Variants in SLC22A16 observed in about 807,000 individuals in gnomAD.
SLC22A16 encodes the protein WUGSC:RG331P03.1.
A neutral mutation model predicts 52.9 loss-of-function variants in SLC22A16; 53 were observed. The observed-to-expected ratio is 1.00, with a 90% confidence interval of 0.80 to 1.26. The LOEUF is 1.26. Among genes scored for constraint, SLC22A16 ranks in the 50% most tolerant of loss-of-function variants. The pLI is 0.00. For synonymous variants in SLC22A16, 291 were observed against 268.8 expected (o/e 1.08, Z -0.81); for missense variants, 726 against 704.0 (o/e 1.03, Z -0.35).
chr6:110,459,501 A>T (rs1023981158), intron 1 of SLC22A16, among the ~76,000 whole-genome samples: 1 of 152,210 alleles, frequency 6.6e-6, no homozygotes, highest in African/African-American at 2.4e-5. Context: ...ATACCTAAAG[A>T]CTGCCAAGGT....
chr6:110,430,840 C>T (rs999102509), intron 7 of SLC22A16, among the ~76,000 whole-genome samples: 2 of 152,198 alleles, frequency 1.3e-5, no homozygotes, highest in Non-Finnish European at 2.9e-5. Context: ...GCCAGGCCAG[C>T]GGGTGGGGGC....
At chr6:110,448,015 G>C (rs1047081495) in intron 2 of SLC22A16, among the ~76,000 whole-genome samples, 1 of 152,152 alleles carries the variant, frequency 6.6e-6, no homozygotes, top group East Asian at 1.9e-4. Flanking sequence ...TATATACCTA[G>C]AGTGAAATTC....
At chr6:110,468,894 A>G (rs557436689) in intron 1 of SLC22A16, among the ~76,000 whole-genome samples, 4 of 152,246 alleles carry the variant, frequency 2.6e-5, no homozygotes, top group Admixed American at 2.6e-4. Context: ...GTGTCACCAC[A>G]GAGCCTTGGG....
chr6:110,472,754 C>A (rs927781861), intron 1 of SLC22A16, among the ~76,000 whole-genome samples: 74 of 152,086 alleles, frequency 4.9e-4, no homozygotes, highest in African/African-American at 1.7e-3. Context: ...AGGGGTCCAC[C>A]AGGACAACAG....
In SLC22A16 at chr6:110,438,058, G is replaced by A. The variant is rs148169279; in HGVS notation, c.1311+662C>T. On this transcript the variant is annotated intron_variant, in intron 5 of 7. Transcript: ENST00000368919. ...GATTACATGTCGCCTCCTCCGAGAGGTGCACCATCCTCGACCACCCTAGAC... is the reference window on the plus strand; with the variant it reads ...GATTACATGTCGCCTCCTCCGAGAGATGCACCATCCTCGACCACCCTAGAC... Among the ~76,000 whole-genome samples the A allele has an allele frequency of 5.4e-3, 824 of 152,170 alleles. 2 individuals carry two copies. The highest frequency in any genetic ancestry group is 0.02 in the Middle Eastern group (6 of 294).
rs1562294948 is a variant in SLC22A16 at position 110,457,111 on chromosome 6, C to T, written c.54-94G>A. 7 of 1,179,050 alleles carry T rather than the reference C, an allele frequency of 5.9e-6. No homozygotes were observed. The Admixed American group carries it at 1.7e-4, about 29-fold the overall frequency. The allele number at this position is 1,179,050 out of a possible 1,614,324, so 73.0% of individuals were successfully genotyped here. On this transcript the variant is annotated intron_variant, in intron 1 of 7. Transcript: ENST00000368919. The stretch of plus-strand genomic sequence containing the variant: ...AGGGTCTCCATCATGTTTATCTTAA[C>T]ATATACACGAATGGATAAATATAGA...
intron 7 of SLC22A16, among the ~76,000 whole-genome samples, chr6:110,427,260 A>AAAAAAAAAAG (rs538137410): frequency 2.2e-5 from 3 of 137,944 alleles, no homozygotes; most frequent in East Asian, 2.1e-4. Context: ...AAAAAAAAAA[A>AAAAAAAAAAG]AAAAGAAAAA....
chr6:110,431,650 G>A lies in SLC22A16; in HGVS notation c.1422-380C>T, dbSNP rs574059517. Among the ~76,000 whole-genome samples the A allele has an allele frequency of 2.6e-5, 4 of 152,202 alleles. No homozygotes were observed. The South Asian group carries it at 6.2e-4, about 24-fold the overall frequency. On this transcript the variant is annotated intron_variant, in intron 6 of 7. Coordinates refer to ENST00000368919, the MANE Select transcript of SLC22A16 (RefSeq NM_033125.4). ...CACTCTATGATGTTCTGACAACCACGAAATCACCAAAGGATGCATTTCTCA... is the reference window on the plus strand; with the variant it reads ...CACTCTATGATGTTCTGACAACCACAAAATCACCAAAGGATGCATTTCTCA...
Position 110,442,692 on chromosome 6 carries a change from A to T in SLC22A16, c.735T>A (p.His245Gln). Residue 245 changes from histidine to glutamine, a missense_variant, in exon 4 of 8, where the codon CAT (histidine) becomes CAA (glutamine). By Grantham distance (24) the His-to-Gln change is conservative. Transcript: ENST00000368919. ...TTCCAACTGCAAAAAAGGAATGCAA[A>T]TGGACAGACGCCCATGTCCGAGACT... is the stretch of plus-strand genomic sequence containing the variant. The part of the protein sequence containing the change: ...GMKSRTWASV[H>Q]LHSFFAVGTL... The T allele has an allele frequency of 6.2e-7, 1 of 1,614,166 alleles. No homozygotes were observed.
chr6:110,444,230 T>A (rs1220101005), intron 3 of SLC22A16, among the ~76,000 whole-genome samples: 2 of 152,226 alleles, frequency 1.3e-5, no homozygotes, highest in Non-Finnish European at 2.9e-5. Context: ...GAATATAATA[T>A]GTGACCATTC....
chr6:110,470,425 A>G (rs2114296879), intron 1 of SLC22A16, among the ~76,000 whole-genome samples: 1 of 152,196 alleles, frequency 6.6e-6, no homozygotes, highest in East Asian at 1.9e-4. Context: ...CTCTACCTGG[A>G]ACAGCTCCAC....
At chr6:110,464,920 A>T (rs1373912676) in intron 1 of SLC22A16, among the ~76,000 whole-genome samples, 4 of 152,128 alleles carry the variant, frequency 2.6e-5, no homozygotes, top group Non-Finnish European at 1.5e-5. Context: ...ATCCAACAGC[A>T]CATCAAAAAG....
At chr6:110,475,595 G>A (rs1582604148) in intron 1 of SLC22A16, among the ~76,000 whole-genome samples, 1 of 152,230 alleles carries the variant, frequency 6.6e-6, no homozygotes, top group East Asian at 1.9e-4. Flanking sequence ...TCATCTCTTT[G>A]CTAAGCCTGA....
intron 1 of SLC22A16, chr6:110,474,934 C>A: frequency 1.9e-6 from 1 of 519,076 alleles, no homozygotes; most frequent in South Asian, 1.4e-5. Flanking sequence ...CCACCTACCT[C>A]ATTGAGTTAC....
rs768435660 is a variant in SLC22A16 at position 110,442,702 on chromosome 6, G to A, written c.725C>T (p.Ala242Val). 17 of 1,614,002 alleles carry A rather than the reference G, an allele frequency of 1.1e-5. No homozygotes were observed. Among genetic ancestry groups the A allele is most frequent in the East Asian group, 2.2e-5 (1 of 44,870 alleles). ...AAAAAAGGAATGCAAATGGACAGACGCCCATGTCCGAGACTTCATGCCAAT... is the reference window on the plus strand; with the variant it reads ...AAAAAAGGAATGCAAATGGACAGACACCCATGTCCGAGACTTCATGCCAAT... ...EFIGMKSRTW[A>V]SVHLHSFFAV... The change falls in exon 4 of 8, where the codon GCG (alanine) becomes GTG (valine). Residue 242 changes from alanine (A) to valine (V), a missense_variant. Transcript: ENST00000368919.
chr6:110,438,934 A>C (rs145617529), intron 4 of SLC22A16, 87 bp from the exon 5 acceptor site: 1 of 1,535,890 alleles, frequency 6.5e-7, no homozygotes, highest in Admixed American at 1.8e-5. Flanking sequence ...CCCAAAAGGC[A>C]TGAGCAGCCC....
At chr6:110,463,013 A>G (rs1366466618) in intron 1 of SLC22A16, among the ~76,000 whole-genome samples, 1 of 151,776 alleles carries the variant, frequency 6.6e-6, no homozygotes, top group Non-Finnish European at 1.5e-5. Flanking sequence ...AGAATTTTAT[A>G]TCCTGCCAAA....
intron 2 of SLC22A16, among the ~76,000 whole-genome samples, chr6:110,453,279 C>T (rs1346361226): frequency 6.6e-6 from 1 of 152,126 alleles, no homozygotes; most frequent in Non-Finnish European, 1.5e-5. Context: ...CAGAAGTCTG[C>T]TTCTGCTGCC....
chr6:110,442,094 C>A (rs1774988639), intron 4 of SLC22A16, 150 bp downstream of exon 4: 1 of 715,884 alleles, frequency 1.4e-6, no homozygotes, highest in South Asian at 1.9e-5. Context: ...TAAGAGATAT[C>A]ATAATAATAT....
Sources: allele counts gnomAD v4.1 joint callset (sites outside exome capture counted in the v4.1 genomes callset), GRCh38; gene constraint gnomAD v4.1.1; transcripts MANE v1.5; gene names NCBI Gene and HGNC (gene_info 2026-07-23, HGNC 2026-07-21).